The following TDRD3 variants were observed in gnomAD, a reference collection of about 807,000 sequenced individuals.
TDRD3 encodes the protein tudor domain containing 3.
TDRD3 carries 45 observed loss-of-function variants against 86.7 expected under a neutral mutation model. That is an observed-to-expected ratio of 0.52 (90% CI 0.41 to 0.67). The LOEUF (loss-of-function observed/expected upper bound fraction) is 0.67. Among genes scored for constraint, TDRD3 ranks in the 30% least tolerant of loss-of-function variants. The pLI, the probability that TDRD3 is intolerant of heterozygous loss-of-function variation, is 0.00. For synonymous variants in TDRD3, 298 were observed against 301.7 expected (o/e 0.99, Z 0.13); for missense variants, 814 against 889.0 (o/e 0.92, Z 1.07).
At chr13:60,562,198 A>G (rs187541561) in intron 12 of TDRD3, among the ~76,000 whole-genome samples, 1 of 152,070 alleles carries the variant, frequency 6.6e-6, no homozygotes, top group East Asian at 1.9e-4. Context: ...CTGTAATTCC[A>G]GCTACTCGGG....
At chr13:60,497,534 A>G (rs1468569974) in intron 8 of TDRD3, among the ~76,000 whole-genome samples, 1 of 152,242 alleles carries the variant, frequency 6.6e-6, no homozygotes, top group Non-Finnish European at 1.5e-5. Flanking sequence ...TAGGAAATCC[A>G]GCTAGTCCTG....
intron 11 of TDRD3, among the ~76,000 whole-genome samples, 179 bp from the exon 12 acceptor site, chr13:60,534,927 CAA>C (rs75394722): frequency 2.6e-4 from 14 of 54,718 alleles, no homozygotes; most frequent in Non-Finnish European, 2.6e-4. Context: ...GACCCTGTCT[CAA>C]AAAAAAAAAA....
chr13:60,541,190 G>A (rs912302762), intron 12 of TDRD3, among the ~76,000 whole-genome samples: 8 of 146,272 alleles, frequency 5.5e-5, no homozygotes, highest in South Asian at 2.1e-4. Context: ...TTTTTGAGAC[G>A]GAGCCTTGCT....
intron 1 of TDRD3, among the ~76,000 whole-genome samples, chr13:60,406,749 C>G (rs1954243945): frequency 6.6e-6 from 1 of 152,134 alleles, no homozygotes; most frequent in African/African-American, 2.4e-5. Context: ...AGTTTATTGA[C>G]TTGCTGATAT....
intron 8 of TDRD3, among the ~76,000 whole-genome samples, chr13:60,506,466 C>A (rs1288543874): frequency 6.6e-6 from 1 of 152,142 alleles, no homozygotes; most frequent in Non-Finnish European, 1.5e-5. Flanking sequence ...TTGACACTGG[C>A]CGAGTGCAGT....
intron 1 of TDRD3, among the ~76,000 whole-genome samples, chr13:60,410,160 G>C (rs1476432573): frequency 6.6e-6 from 1 of 152,168 alleles, no homozygotes; most frequent in East Asian, 1.9e-4. Context: ...CAGCCATGTG[G>C]AACTGTAAGT....
In TDRD3 at chr13:60,465,268, C is replaced by T. The variant is rs971086301; in HGVS notation, c.354-1970C>T. On this transcript the variant is annotated intron_variant, in intron 4 of 13. Transcript: ENST00000377881. ...GGTAAAGAGTACAGTAGCCTGGTGT[C>T]CTTGGTGCTTATTTTTATTTATCCT... Among the ~76,000 whole-genome samples the T allele has an allele frequency of 2.0e-5, 3 of 152,000 alleles. No homozygotes were observed. In the East Asian group the frequency reaches 5.8e-4, roughly 29 times the overall value.
intron 1 of TDRD3, among the ~76,000 whole-genome samples, chr13:60,400,794 C>G (rs1252808181): frequency 2.0e-5 from 3 of 151,488 alleles, no homozygotes; most frequent in African/African-American, 7.3e-5. Context: ...TTAACTCTCT[C>G]TCTGTGCATA....
chr13:60,422,191 A>G (rs560466166), intron 1 of TDRD3, among the ~76,000 whole-genome samples: 82 of 152,308 alleles, frequency 5.4e-4, no homozygotes, highest in African/African-American at 1.9e-3. Flanking sequence ...TCCTTTGGCA[A>G]TTGGATAATG....
intron 10 of TDRD3, among the ~76,000 whole-genome samples, chr13:60,512,380 C>T (rs973887939): frequency 2.0e-5 from 3 of 151,998 alleles, no homozygotes; most frequent in African/African-American, 7.2e-5. Context: ...CGTTCCACCC[C>T]CAGCCCCTCC....
rs554131712 is a variant in TDRD3 at position 60,480,631 on chromosome 13, G to GT, written c.496-3143dup. ...CTTCTCTTTCTGGAATGTCAGAGTT[G>GT]TATGTTTGGTCTCTTTACATAACCC... On this transcript the variant is annotated intron_variant, in intron 5 of 13. Transcript: ENST00000377881. Among the ~76,000 whole-genome samples, 21 of 152,286 alleles carry GT rather than the reference G, an allele frequency of 1.4e-4. No homozygotes were observed. In the South Asian group the frequency reaches 4.3e-3, roughly 32 times the overall value.
intron 8 of TDRD3, among the ~76,000 whole-genome samples, chr13:60,504,689 C>T (rs983907348): frequency 4.6e-5 from 7 of 152,138 alleles, no homozygotes; most frequent in African/African-American, 9.7e-5. Context: ...CAGCTCCTAG[C>T]GAGACTAAGG....
intron 2 of TDRD3, among the ~76,000 whole-genome samples, chr13:60,444,159 C>G (rs1162960000): frequency 6.6e-6 from 1 of 151,878 alleles, no homozygotes; most frequent in South Asian, 2.1e-4. Context: ...AATGAAATTA[C>G]TATAGTAAAG....
chr13:60,405,266 G>A (rs1248942861), intron 1 of TDRD3, among the ~76,000 whole-genome samples: 2 of 152,094 alleles, frequency 1.3e-5, no homozygotes, highest in Non-Finnish European at 2.9e-5. Context: ...ACAGTGTCCA[G>A]CCTCAACAAA....
chr13:60,533,702 C>T (rs954875140), intron 11 of TDRD3, among the ~76,000 whole-genome samples: 4 of 152,040 alleles, frequency 2.6e-5, no homozygotes, highest in Non-Finnish European at 5.9e-5. Context: ...TATTCAAATA[C>T]CCTAGCTTGA....
intron 12 of TDRD3, among the ~76,000 whole-genome samples, chr13:60,552,302 C>T (rs1958078650): frequency 6.6e-6 from 1 of 152,188 alleles, no homozygotes; most frequent in African/African-American, 2.4e-5. Context: ...GGCCACAGGC[C>T]CCATGCAAGT....
At chr13:60,571,437 T>C (rs2138015231) in intron 13 of TDRD3, among the ~76,000 whole-genome samples, 1 of 152,312 alleles carries the variant, frequency 6.6e-6, no homozygotes, top group African/African-American at 2.4e-5. Flanking sequence ...TTCCAGCAAA[T>C]ATAAGCATGA....
intron 10 of TDRD3, among the ~76,000 whole-genome samples, chr13:60,524,734 C>T (rs183853528): frequency 4.7e-4 from 72 of 151,998 alleles, no homozygotes; most frequent in African/African-American, 1.7e-3. Flanking sequence ...ATTGGAAATC[C>T]AAGAATGACT....
chr13:60,529,151 T>G lies in TDRD3; in HGVS notation c.1926T>G (p.Pro642=), dbSNP rs1195252572. The G allele has an allele frequency of 6.2e-7, 1 of 1,612,424 alleles. No individual in the cohort carries two copies. The highest frequency in any genetic ancestry group is 1.3e-5 in the African/African-American group (1 of 74,928). Residue 642 remains proline, a synonymous_variant, in exon 11 of 14, where the codon CCT becomes CCG. Transcript: ENST00000377881. ...KPEKILESSI[P]MEYAKMWKPG... is the part of the protein sequence containing the mutation. ...AAAAAATACTAGAATCATCTATTCCTATGGAGTATGCAAAAATGTGGAAAC... is the reference window on the plus strand; with the variant it reads ...AAAAAATACTAGAATCATCTATTCCGATGGAGTATGCAAAAATGTGGAAAC...
Sources: allele counts gnomAD v4.1 joint callset (sites outside exome capture counted in the v4.1 genomes callset), GRCh38; gene constraint gnomAD v4.1.1; transcripts MANE v1.5; gene names NCBI Gene and HGNC (gene_info 2026-07-23, HGNC 2026-07-21).